PDE1C: variants seen among roughly 807,000 people sequenced by gnomAD.
The protein encoded by PDE1C is dual specificity calcium/calmodulin-dependent 3',5'-cyclic nucleotide phosphodiesterase 1C.
PDE1C carries 62 observed loss-of-function variants against 93.1 expected under a neutral mutation model. The observed-to-expected ratio is 0.67, with a 90% CI of 0.54 to 0.82. The LOEUF (loss-of-function observed/expected upper bound fraction) is 0.82, where lower values mean the gene tolerates loss of function less well. PDE1C is among the 40% of genes least tolerant of loss of function. The pLI, the probability that PDE1C is intolerant of heterozygous loss-of-function variation, is 0.00. For synonymous variants in PDE1C, 325 were observed against 310.1 expected, an observed-to-expected ratio of 1.05 and a Z score of -0.50; for missense variants, 742 against 884.6, an observed-to-expected ratio of 0.84 and a Z score of 2.04.
At chr7:31,686,192 CA>C in the PDE1C span, among the ~76,000 whole-genome samples, 4 of 152,192 alleles carry the variant, frequency 2.6e-5, no homozygotes, top group Non-Finnish European at 5.9e-5. Flanking sequence ...TGGCTGCTAT[CA>C]GGGGGTCTGG....
intron 2 of PDE1C, among the ~76,000 whole-genome samples, chr7:31,963,800 G>C (rs11536452): frequency 0.072 from 10,902 of 152,248 alleles, 598 homozygotes; most frequent in East Asian, 0.32. Flanking sequence ...AATTAGGCTA[G>C]AGAGGGTTAT....
intron 2 of PDE1C, among the ~76,000 whole-genome samples, chr7:31,982,767 GA>G (rs1186262150): frequency 6.6e-6 from 1 of 151,098 alleles, no homozygotes; most frequent in Non-Finnish European, 1.5e-5. Flanking sequence ...CCACATGTTT[GA>G]AAAAAAATCA....
the PDE1C span, among the ~76,000 whole-genome samples, chr7:31,692,192 A>T: frequency 2.0e-5 from 3 of 152,192 alleles, no homozygotes; most frequent in African/African-American, 7.2e-5. Context: ...TTATGAATAA[A>T]TCTGTCAGTG....
chr7:31,972,032 C>T (rs748028206), intron 2 of PDE1C, among the ~76,000 whole-genome samples: 40 of 152,164 alleles, frequency 2.6e-4, no homozygotes, highest in Non-Finnish European at 5.0e-4. Context: ...GAATTGGAGT[C>T]TGCTTCTTGC....
chr7:31,844,313 T>A (rs1276600841), intron 9 of PDE1C, among the ~76,000 whole-genome samples: 2 of 151,738 alleles, frequency 1.3e-5, no homozygotes, highest in Non-Finnish European at 3.0e-5. Flanking sequence ...CTAAAGAAAT[T>A]TCTTTAGCAT....
At chr7:31,753,999 T>C (rs1794281024) in intron 17 of PDE1C, among the ~76,000 whole-genome samples, 1 of 152,134 alleles carries the variant, frequency 6.6e-6, no homozygotes, top group African/African-American at 2.4e-5. Flanking sequence ...AAAATATTTA[T>C]AAAACACATA....
chr7:31,899,296 G>A (rs1799689132), intron 2 of PDE1C, among the ~76,000 whole-genome samples: 1 of 151,980 alleles, frequency 6.6e-6, no homozygotes, highest in Non-Finnish European at 1.5e-5. Flanking sequence ...CTGCCACCAC[G>A]CCTGGCTAAT....
chr7:32,071,214 G>C, upstream of PDE1C: 1 of 985,424 alleles, frequency 1.0e-6, no homozygotes, highest in Non-Finnish European at 1.2e-6. Context: ...ACCTCAACAA[G>C]AGCTCGGCTC....
chr7:31,714,401 C>T, the PDE1C span, among the ~76,000 whole-genome samples: 1 of 152,174 alleles, frequency 6.6e-6, no homozygotes, highest in East Asian at 1.9e-4. Context: ...TCAAAAGTCT[C>T]TAGGAAGTTC....
At chr7:32,214,947 T>C (rs1806314143) in intron 1 of PDE1C, among the ~76,000 whole-genome samples, 1 of 151,804 alleles carries the variant, frequency 6.6e-6, no homozygotes, top group Non-Finnish European at 1.5e-5. Flanking sequence ...TCTGGGTTTA[T>C]CCAAGTGTGA....
chr7:31,771,929 C>A (rs1489141530), intron 17 of PDE1C, among the ~76,000 whole-genome samples: 1 of 151,778 alleles, frequency 6.6e-6, no homozygotes, highest in African/African-American at 2.4e-5. Flanking sequence ...GCCTGTAGTC[C>A]CAGCTACTCA....
At chr7:32,374,179 A>AGAAAGAAAGAAAGAAAG (rs1784382096) in intron 1 of PDE1C, among the ~76,000 whole-genome samples, 2 of 31,252 alleles carry the variant, frequency 6.4e-5, no homozygotes, top group Middle Eastern at 0.015. Context: ...AGAAAGAAAG[A>AGAAAGAAAGAAAGAAAG]AAGAAAGAAA....
At chr7:32,102,839 C>T (rs948601775) in intron 3 of PDE1C, among the ~76,000 whole-genome samples, 5 of 152,208 alleles carry the variant, frequency 3.3e-5, no homozygotes, top group Non-Finnish European at 7.3e-5. Flanking sequence ...GCATTTTGCA[C>T]TCTGTACATG....
At chr7:31,870,930 T>C (rs1234005399) in intron 6 of PDE1C, among the ~76,000 whole-genome samples, 1 of 151,596 alleles carries the variant, frequency 6.6e-6, no homozygotes, top group Non-Finnish European at 1.5e-5. Flanking sequence ...TATTTTATGG[T>C]ATTAGTATAA....
chr7:32,404,057 C>T (rs913533814), intron 1 of PDE1C, among the ~76,000 whole-genome samples: 43 of 152,304 alleles, frequency 2.8e-4, no homozygotes, highest in African/African-American at 9.9e-4. Flanking sequence ...CGACTAACTG[C>T]CTGGGCTTCG....
intron 2 of PDE1C, among the ~76,000 whole-genome samples, chr7:32,205,646 C>T (rs796749339): frequency 4.6e-5 from 7 of 152,300 alleles, no homozygotes; most frequent in African/African-American, 1.7e-4. Flanking sequence ...CCTGCAGAAG[C>T]TTTGTTCCTT....
intron 1 of PDE1C, among the ~76,000 whole-genome samples, chr7:32,275,716 G>C (rs1811239071): frequency 6.6e-6 from 1 of 151,988 alleles, no homozygotes; most frequent in African/African-American, 2.4e-5. Context: ...CCTGGAAATG[G>C]GTTGTGGTTG....
At chr7:32,215,107 C>T (rs752897894) in intron 1 of PDE1C, among the ~76,000 whole-genome samples, 9 of 152,042 alleles carry the variant, frequency 5.9e-5, no homozygotes, top group Admixed American at 2.0e-4. Flanking sequence ...GCCACAGAAC[C>T]GAGCAGCCCA....
the PDE1C span, chr7:31,658,339 G>T: frequency 6.6e-7 from 1 of 1,519,208 alleles, no homozygotes; most frequent in East Asian, 2.5e-5. Flanking sequence ...TGCTAAAGAT[G>T]AAAAAATAAA....
Sources: allele counts gnomAD v4.1 joint callset (sites outside exome capture counted in the v4.1 genomes callset), GRCh38; gene constraint gnomAD v4.1.1; transcripts MANE v1.5; gene names NCBI Gene and HGNC (gene_info 2026-07-23, HGNC 2026-07-21).